The following EYS variants were observed in gnomAD, a reference collection of about 807,000 sequenced individuals.
The protein encoded by EYS is EGF-like photoreceptor maintenance factor.
In EYS, 250 loss-of-function variants were observed where a neutral mutation model predicts 282.1. The observed-to-expected ratio is 0.89, with a 90% CI of 0.80 to 0.98. The LOEUF (loss-of-function observed/expected upper bound fraction) is 0.98. Among genes scored for constraint, EYS ranks in the 50% least tolerant of loss-of-function variants. EYS has a pLI of 0.00. For missense variants in EYS, 4,016 were observed against 3,709.0 expected, an observed-to-expected ratio of 1.08 and a Z score of -2.15; for synonymous variants, 1,355 against 1,282.9, an observed-to-expected ratio of 1.06 and a Z score of -1.20.
rs181078835 is a variant in EYS, at chr6:64,169,198, G to T, written c.6424+61394C>A. 1.7e-3 allele frequency among the ~76,000 whole-genome samples: 264 copies of T among 152,218 alleles called. 3 individuals carry two copies. The highest frequency in any genetic ancestry group is 1.6e-3 in the Non-Finnish European group (108 of 68,018). On this transcript the variant is annotated intron_variant, in intron 31 of 42. Coordinates refer to ENST00000503581, the MANE Select transcript of EYS (RefSeq NM_001142800.2). ...TGTTACTCAGTAAATATTGATAAAT[G>T]AACGAATGACATGATCCTCATCTAG...
intron 12 of EYS, among the ~76,000 whole-genome samples, chr6:65,187,427 T>C (rs77546927): frequency 0.033 from 4,980 of 151,790 alleles, 108 homozygotes; most frequent in African/African-American, 0.058. Flanking sequence ...TTTTAGAAAG[T>C]CAAACTCATG....
In EYS at chr6:65,402,509, A is replaced by G. The variant is rs2150363774; in HGVS notation, c.1153T>C (p.Cys385Arg). The G allele has an allele frequency of 1.3e-6, 2 of 1,530,536 alleles. No homozygotes were observed. The highest frequency in any genetic ancestry group is 9.1e-7 in the Non-Finnish European group (1 of 1,104,966). The allele number at this position is 1,530,536 out of a possible 1,614,324, so 94.8% of individuals were successfully genotyped here. A position where few individuals can be genotyped will look rare whatever the true frequency, so the allele number is the denominator to read the frequency against. ...GGATAATCTTTCTCACATTTCTTAC[A>G]TGTAGCATTATTCCTCAAAGGAAAT... ...ESFPLRNNAT[C>R]KKCEKDYPCS... The change falls in exon 7 of 43, where the codon TGT becomes CGT. Residue 385 changes from cysteine to arginine, a missense_variant. By Grantham distance (180) the Cys-to-Arg change is radical (BLOSUM62 -3). Transcript: ENST00000503581.
intron 5 of EYS, among the ~76,000 whole-genome samples, chr6:65,417,122 T>C (rs140512938): frequency 6.9e-4 from 105 of 152,116 alleles, no homozygotes; most frequent in African/African-American, 2.5e-3. Context: ...AAGTTATTCA[T>C]TGTAAAGCTG....
At chr6:64,371,258 ATT>A (rs1039610969) in intron 29 of EYS, among the ~76,000 whole-genome samples, 1 of 145,570 alleles carries the variant, frequency 6.9e-6, no homozygotes, top group Admixed American at 6.8e-5. Context: ...TTTCTGACTT[ATT>A]TTTTTGTTTA....
intron 26 of EYS, among the ~76,000 whole-genome samples, chr6:64,472,847 T>C (rs1249463016): frequency 2.0e-5 from 3 of 152,148 alleles, no homozygotes; most frequent in Non-Finnish European, 4.4e-5. Flanking sequence ...ATCCCACACA[T>C]ACCATTCCTT....
At chr6:63,843,363 T>C (rs1195316955) in intron 36 of EYS, among the ~76,000 whole-genome samples, 2 of 152,124 alleles carry the variant, frequency 1.3e-5, no homozygotes, top group African/African-American at 4.8e-5. Flanking sequence ...ATTCTCTTTG[T>C]AGCGATTGTG....
chr6:65,228,666 A>G (rs912570312), intron 12 of EYS, among the ~76,000 whole-genome samples: 1 of 152,058 alleles, frequency 6.6e-6, no homozygotes, highest in African/African-American at 2.4e-5. Flanking sequence ...CAGGTATTTT[A>G]TAGAAATAGG....
chr6:64,297,959 CAG>C (rs1482158976), intron 30 of EYS, among the ~76,000 whole-genome samples: 1 of 113,914 alleles, frequency 8.8e-6, no homozygotes, highest in Non-Finnish European at 1.7e-5. Flanking sequence ...GCCTTGGCAA[CAG>C]AGCAAGATTC....
At chr6:64,051,982 A>T (rs1327248792) in intron 33 of EYS, among the ~76,000 whole-genome samples, 1 of 152,158 alleles carries the variant, frequency 6.6e-6, no homozygotes, top group Non-Finnish European at 1.5e-5. Context: ...TCCTTGAGTC[A>T]TGTGGCTCCA....
rs1271773938 is a variant in EYS, at chr6:64,981,850, T to C, written c.2259+15732A>G. Among the ~76,000 whole-genome samples, 6 of 151,424 alleles carry C rather than the reference T, an allele frequency of 4.0e-5. 1 individual carries two copies. The highest frequency in any genetic ancestry group is 1.4e-4 in the African/African-American group (6 of 41,450). On this transcript the variant is annotated intron_variant, in intron 14 of 42. Coordinates refer to ENST00000503581, the MANE Select transcript of EYS (RefSeq NM_001142800.2). ...AAATGGAGGGAGAGGGGGTTGTAAGTGACAATATGGAAAACAGAGTTTGGC... is the reference window on the plus strand; with the variant it reads ...AAATGGAGGGAGAGGGGGTTGTAAGCGACAATATGGAAAACAGAGTTTGGC...
At chr6:63,980,321 A>C (rs1767028374) in intron 35 of EYS, among the ~76,000 whole-genome samples, 1 of 151,754 alleles carries the variant, frequency 6.6e-6, no homozygotes, top group Non-Finnish European at 1.5e-5. Flanking sequence ...CATATACTCC[A>C]TTAGGAAGCA....
chr6:65,177,870 G>C (rs141996002), intron 12 of EYS, among the ~76,000 whole-genome samples: 2 of 151,758 alleles, frequency 1.3e-5, no homozygotes, highest in South Asian at 4.1e-4. Context: ...TTCCAGAGAC[G>C]TTTTAGCAAT....
rs117512234 is a variant in EYS at position 64,972,746 on chromosome 6, G to A, written c.2259+24836C>T. On this transcript the variant is annotated intron_variant, in intron 14 of 42. Transcript: ENST00000503581. ...AACAGTTGGCTATTAGTAATTGTTT[G>A]AGGAGTCAAAAGTTTTACATAGATT... 9.3e-4 allele frequency among the ~76,000 whole-genome samples: 142 copies of A among 152,200 alleles called. 4 individuals are homozygous for A. In the East Asian group the frequency reaches 0.025, roughly 26 times the overall value.
At chr6:64,068,606 T>G (rs1283868756) in intron 32 of EYS, among the ~76,000 whole-genome samples, 1 of 151,952 alleles carries the variant, frequency 6.6e-6, no homozygotes, top group Non-Finnish European at 1.5e-5. Context: ...TGTAAACATG[T>G]GTAACAAACC....
chr6:64,779,464 C>G (rs555845195), intron 22 of EYS, among the ~76,000 whole-genome samples: 1 of 152,080 alleles, frequency 6.6e-6, no homozygotes, highest in South Asian at 2.1e-4. Flanking sequence ...ATAAAAAGAT[C>G]AGCGTTTGCC....
intron 1 of EYS, among the ~76,000 whole-genome samples, chr6:65,687,618 A>C (rs7754201): frequency 0.35 from 53,726 of 152,094 alleles, 11,988 homozygotes; most frequent in Non-Finnish European, 0.49. Context: ...AGGGCATTCA[A>C]TTAGGAAAAG....
At chr6:63,802,806 G>A (rs1027774385) in intron 37 of EYS, among the ~76,000 whole-genome samples, 8 of 151,904 alleles carry the variant, frequency 5.3e-5, no homozygotes, top group African/African-American at 1.7e-4. Flanking sequence ...TCCCTCATGT[G>A]GTGCAATGTG....
chr6:65,644,205 A>G lies in EYS; in HGVS notation c.-447-4313T>C, dbSNP rs138373973. ...TATTAAAGAAAAAACCTTCAGTGAAATAGATAGCATAAATAAAAACAATCA... is the reference window on the plus strand; with the variant it reads ...TATTAAAGAAAAAACCTTCAGTGAAGTAGATAGCATAAATAAAAACAATCA... On this transcript the variant is annotated intron_variant, in intron 1 of 42. Transcript: ENST00000503581. Among the ~76,000 whole-genome samples the G allele has an allele frequency of 1.7e-4, 26 of 152,288 alleles. No homozygotes were observed. In the East Asian group the frequency reaches 4.4e-3, roughly 26 times the overall value.
chr6:64,761,326 G>A (rs1773149332), intron 22 of EYS, among the ~76,000 whole-genome samples: 1 of 152,102 alleles, frequency 6.6e-6, no homozygotes, highest in Non-Finnish European at 1.5e-5. Context: ...CTGAGAAACT[G>A]AGTCAGTTTC....
Sources: allele counts gnomAD v4.1 joint callset (sites outside exome capture counted in the v4.1 genomes callset), GRCh38; gene constraint gnomAD v4.1.1; transcripts MANE v1.5; gene names NCBI Gene and HGNC (gene_info 2026-07-23, HGNC 2026-07-21).